The following UMODL1 variants were observed in gnomAD, a reference collection of about 807,000 sequenced individuals.
UMODL1 encodes the protein uromodulin-like 1.
Under a neutral mutation model 136.3 loss-of-function variants are expected in UMODL1, and 128 were observed. The ratio of observed to expected loss-of-function variants is 0.94; its 90% CI spans 0.81 to 1.09. The LOEUF (loss-of-function observed/expected upper bound fraction) is 1.09. UMODL1 is among the 50% of genes least tolerant of loss of function. The pLI is 0.00. For missense variants in UMODL1, 1,766 were observed against 1,725.6 expected (o/e 1.02, Z -0.41); for synonymous variants, 721 against 720.0 (o/e 1.00, Z -0.02).
intron 1 of UMODL1, among the ~76,000 whole-genome samples, chr21:42,071,840 A>AT (rs1333195771): frequency 1.3e-5 from 2 of 151,422 alleles, no homozygotes; most frequent in Non-Finnish European, 1.5e-5. Flanking sequence ...TTAAAAAAAA[A>AT]AGGAGACCTA....
upstream of UMODL1, among the ~76,000 whole-genome samples, chr21:42,067,493 G>A (rs1257324362): frequency 2.6e-5 from 4 of 152,212 alleles, no homozygotes; most frequent in Non-Finnish European, 5.9e-5. Context: ...GGCACTGAAT[G>A]GATAAATGCC....
Position 42,121,224 on chromosome 21 carries a change from G to A in UMODL1, c.2827G>A (p.Gly943Ser). 6.2e-7 allele frequency: 1 copy of A among 1,608,616 alleles called. No homozygotes were observed. The highest frequency in any genetic ancestry group is 8.5e-7 in the Non-Finnish European group (1 of 1,177,634). The change falls in exon 16 of 23, where the codon GGT becomes AGT. Residue 943 changes from glycine (G) to serine (S), a missense_variant and splice_region_variant. Coordinates refer to ENST00000408910, the MANE Select transcript of UMODL1 (RefSeq NM_001004416.3). The part of the protein sequence containing the change: ...PVEYSERPCE[G>S]DSPGNETWAT... ...GGAATATTCTGAGAGACCCTGTGAA[G>A]GTAATGTCGTCAGAGTTTCTTCTTC...
chr21:42,088,273 A>G (rs369784431), intron 4 of UMODL1, 21 bp from the exon 5 acceptor site: 66 of 1,603,344 alleles, frequency 4.1e-5, no homozygotes, highest in Non-Finnish European at 5.3e-5. Flanking sequence ...GCTGTGTGAC[A>G]CTCTGATTCT....
intron 6 of UMODL1, chr21:42,093,798 G>A (rs1414447072): frequency 2.2e-6 from 1 of 445,920 alleles, no homozygotes; most frequent in Non-Finnish European, 4.5e-6. Flanking sequence ...GTCATCCCCG[G>A]GGTCTCCAGG....
intron 6 of UMODL1, among the ~76,000 whole-genome samples, chr21:42,092,567 C>T (rs1053974819): frequency 2.2e-4 from 34 of 152,170 alleles, no homozygotes; most frequent in African/African-American, 8.0e-4. Flanking sequence ...TATTCTTTCC[C>T]CTCACGGGAG....
intron 1 of UMODL1, among the ~76,000 whole-genome samples, chr21:42,063,755 C>T (rs111588176): frequency 0.014 from 2,205 of 152,310 alleles, 50 homozygotes; most frequent in African/African-American, 0.05. Flanking sequence ...GCCCCAGTGG[C>T]GGCTTTGCCT....
chr21:42,105,218 C>T (rs1351993064), intron 9 of UMODL1, among the ~76,000 whole-genome samples: 2 of 152,170 alleles, frequency 1.3e-5, no homozygotes, highest in Non-Finnish European at 2.9e-5. Context: ...TAAGATCCCA[C>T]CTAGCTGGGC....
At chr21:42,082,106 G>A (rs984258782) in intron 2 of UMODL1, among the ~76,000 whole-genome samples, 2 of 152,252 alleles carry the variant, frequency 1.3e-5, no homozygotes, top group African/African-American at 2.4e-5. Context: ...AAGGCCGGGC[G>A]CCAGGCAGAC....
chr21:42,106,348 A>G (rs2066718247), intron 9 of UMODL1, among the ~76,000 whole-genome samples: 1 of 152,168 alleles, frequency 6.6e-6, no homozygotes, highest in African/African-American at 2.4e-5. Context: ...AAGAAACGAA[A>G]ACACAAAAAG....
chr21:42,092,921 G>C (rs2066508995), intron 6 of UMODL1, among the ~76,000 whole-genome samples: 1 of 152,188 alleles, frequency 6.6e-6, no homozygotes, highest in Non-Finnish European at 1.5e-5. Flanking sequence ...AGATCCCAAG[G>C]CTGGTCCTCT....
chr21:42,133,457 G>A (rs1183365409), intron 21 of UMODL1, among the ~76,000 whole-genome samples: 4 of 152,316 alleles, frequency 2.6e-5, no homozygotes, highest in African/African-American at 7.2e-5. Context: ...GACTGAGCTG[G>A]CTTCATTTTG....
At position 42,103,900 on chromosome 21, in the gene UMODL1, C is replaced by T; in HGVS notation, c.1332C>T (p.Asp444=). 3 of 1,614,180 alleles carry T rather than the reference C, an allele frequency of 1.9e-6. No individual in the cohort carries two copies. In the South Asian group the frequency reaches 3.3e-5, roughly 18 times the overall value. The change falls in exon 9 of 23, where the codon GAC becomes GAT. Residue 444 remains aspartate, a synonymous_variant. Coordinates refer to ENST00000408910, the MANE Select transcript of UMODL1 (RefSeq NM_001004416.3). The part of the protein sequence containing the change: ...VESSFPPVVS[D]LYRSGKLRMQ... The stretch of plus-strand genomic sequence containing the variant: ...GCTCCTTCCCACCAGTGGTGTCTGA[C>T]TTGTACCGAAGTGGGAAGCTGAGAA...
intron 9 of UMODL1, among the ~76,000 whole-genome samples, chr21:42,109,164 T>A (rs370646650): frequency 3.4e-5 from 5 of 149,162 alleles, no homozygotes; most frequent in East Asian, 2.1e-4. Context: ...TATACTCAGC[T>A]GTGTCCCCAC....
chr21:42,132,600 C>A (rs188085251), intron 21 of UMODL1, among the ~76,000 whole-genome samples: 148 of 151,864 alleles, frequency 9.7e-4, no homozygotes, highest in African/African-American at 3.3e-3. Flanking sequence ...ATCCACCCAC[C>A]CATCCATCCA....
chr21:42,073,181 C>T (rs1036398850), intron 1 of UMODL1, among the ~76,000 whole-genome samples: 9 of 152,166 alleles, frequency 5.9e-5, no homozygotes, highest in African/African-American at 1.9e-4. Flanking sequence ...GCTCAGGTTA[C>T]GATGAAAAAC....
intron 2 of UMODL1, among the ~76,000 whole-genome samples, chr21:42,077,980 C>G (rs2066315014): frequency 6.6e-6 from 1 of 152,210 alleles, no homozygotes; most frequent in East Asian, 1.9e-4. Flanking sequence ...AGTGCTATTT[C>G]ACTGATGACA....
intron 1 of UMODL1, among the ~76,000 whole-genome samples, chr21:42,072,484 G>C (rs1336705359): frequency 6.6e-6 from 1 of 152,164 alleles, no homozygotes; most frequent in African/African-American, 2.4e-5. Flanking sequence ...GATGCATAAT[G>C]GGTGGGTATC....
At chr21:42,140,194 G>T (rs951660994) in intron 22 of UMODL1, among the ~76,000 whole-genome samples, 1 of 152,244 alleles carries the variant, frequency 6.6e-6, no homozygotes, top group Admixed American at 6.5e-5. Flanking sequence ...CGAAGAGGGG[G>T]TGGGCTGATG....
intron 9 of UMODL1, 58 bp from the exon 10 acceptor site, chr21:42,109,504 C>A: frequency 6.3e-7 from 1 of 1,595,544 alleles, no homozygotes. Flanking sequence ...ATGGGTCTGT[C>A]TTCTGATCAC....
Sources: allele counts gnomAD v4.1 joint callset (sites outside exome capture counted in the v4.1 genomes callset), GRCh38; gene constraint gnomAD v4.1.1; transcripts MANE v1.5; gene names NCBI Gene and HGNC (gene_info 2026-07-23, HGNC 2026-07-21).